Variants in TPGS2 observed in about 807,000 individuals in gnomAD.
TPGS2 encodes tubulin polyglutamylase complex subunit 2, also known as polyglutamylase subunit 2.
In TPGS2, 26 loss-of-function variants were observed where a neutral mutation model predicts 31.1. The ratio of observed to expected loss-of-function variants is 0.84; its 90% CI spans 0.61 to 1.16. TPGS2 has a LOEUF of 1.16. Ranked by LOEUF, TPGS2 falls within the 50% of genes most tolerant of loss-of-function variation. The pLI is 0.00. For synonymous variants in TPGS2, 130 were observed against 136.6 expected (o/e 0.95, Z 0.34); for missense variants, 351 against 363.8 (o/e 0.96, Z 0.29).
At chr18:36,783,026 G>C in exon 7 of TPGS2, 1 of 398,502 alleles carries the variant, frequency 2.5e-6, no homozygotes, top group Non-Finnish European at 4.4e-6. Context: ...GGGTGTGCCA[G>C]TGAGTCCCGG....
At chr18:36,798,736 A>T in intron 5 of TPGS2, 127 bp from the exon 6 acceptor site, 1 of 1,423,124 alleles carries the variant, frequency 7.0e-7, no homozygotes. Context: ...AATGTAAAGT[A>T]AAAGTTCCCC....
chr18:36,785,275 G>A (rs541066686), intron 6 of TPGS2, among the ~76,000 whole-genome samples: 1 of 152,230 alleles, frequency 6.6e-6, no homozygotes, highest in East Asian at 1.9e-4. Context: ...CTCCAGCCTG[G>A]GTAACGAGTG....
In TPGS2 at chr18:36,794,898, C is replaced by T. The variant is rs553637720; in HGVS notation, c.*1907G>A. 211 of 983,290 alleles carry T rather than the reference C, an allele frequency of 2.1e-4. 4 individuals are homozygous for T. The Middle Eastern group carries it at 7.8e-3, about 37-fold the overall frequency. The allele number at this position is 983,290 out of a possible 1,614,324, so 60.9% of individuals were successfully genotyped here. ...ACACACACACGTTTAAATGACCACA[C>T]TGAATTATAAGTGGTTAGTTTTGGG... On this transcript the variant is annotated 3_prime_UTR_variant, in exon 7 of 7. Coordinates refer to ENST00000334295, the MANE Select transcript of TPGS2 (RefSeq NM_015476.4).
chr18:36,781,529 G>A (rs997296009), downstream of TPGS2, among the ~76,000 whole-genome samples: 3 of 152,254 alleles, frequency 2.0e-5, no homozygotes, highest in South Asian at 6.2e-4. Flanking sequence ...GCACATCCCT[G>A]TAATCCCAGT....
At chr18:36,807,385 C>T (rs11665609) in intron 3 of TPGS2, among the ~76,000 whole-genome samples, 18,384 of 151,952 alleles carry the variant, frequency 0.12, 1,379 homozygotes, top group Admixed American at 0.17. Context: ...AGGAGAGAAG[C>T]GAAGACTCTG....
Position 36,828,712 on chromosome 18 carries a change from T to A in TPGS2, c.56A>T (p.Lys19Met), listed in dbSNP as rs1219320095. The A allele has an allele frequency of 1.2e-6, 2 of 1,614,032 alleles. No individual in the cohort carries two copies. Among genetic ancestry groups the A allele is most frequent in the African/African-American group, 2.7e-5 (2 of 74,942 alleles). ...GLGCSKPHLE[K>M]LTLGITRILE... Reference sequence around the variant, plus strand: ...GATGCGCGTGATGCCCAGGGTCAGCTTCTCCAGGTGCGGCTTGCTGCAGCC... The same window carrying A: ...GATGCGCGTGATGCCCAGGGTCAGCATCTCCAGGTGCGGCTTGCTGCAGCC... The change falls in exon 1 of 7, where the codon AAG becomes ATG. Residue 19 changes from lysine (K) to methionine (M), a missense_variant. Transcript: ENST00000334295.
intron 6 of TPGS2, chr18:36,788,950 T>G (rs1327345576): frequency 6.6e-6 from 1 of 152,218 alleles, no homozygotes; most frequent in Non-Finnish European, 1.5e-5. Flanking sequence ...TGCTTTAAGA[T>G]GCAGAAAATC....
Position 36,828,755 on chromosome 18 carries a change from C to A in TPGS2, c.13G>T (p.Ala5Ser). The A allele has an allele frequency of 1.2e-6, 2 of 1,613,720 alleles. No homozygotes were observed. The highest frequency in any genetic ancestry group is 1.7e-6 in the Non-Finnish European group (2 of 1,179,914). Residue 5 changes from alanine to serine, a missense_variant, in exon 1 of 7, where the codon GCA becomes TCA. Coordinates refer to ENST00000334295, the MANE Select transcript of TPGS2 (RefSeq NM_015476.4). MEEE[A>S]SSPGLGCSKP... Reference sequence around the variant, plus strand: ...CTGCAGCCCAGCCCCGGGGACGATGCCTCCTCCTCCATGGCTCGCGACCGC... The same window carrying A: ...CTGCAGCCCAGCCCCGGGGACGATGACTCCTCCTCCATGGCTCGCGACCGC...
downstream of TPGS2, chr18:36,789,401 T>C (rs1396609575): frequency 2.0e-5 from 3 of 152,148 alleles, no homozygotes; most frequent in Non-Finnish European, 2.9e-5. Context: ...CCACTAGACA[T>C]ATGTGATTAC....
Position 36,795,167 on chromosome 18 carries a change from T to C in TPGS2, c.*1638A>G. On this transcript the variant is annotated 3_prime_UTR_variant, in exon 7 of 7. Coordinates refer to ENST00000334295, the MANE Select transcript of TPGS2 (RefSeq NM_015476.4). Reference sequence around the variant, plus strand: ...GATATCGAAGGCGCTTTCTCATGAATATCTATCACTATTGTCAACAATCAA... The same window carrying C: ...GATATCGAAGGCGCTTTCTCATGAACATCTATCACTATTGTCAACAATCAA... 1 of 985,416 alleles carries C rather than the reference T, an allele frequency of 1.0e-6. No homozygotes were observed. The allele number at this position is 985,416 out of a possible 1,614,324, so 61.0% of individuals were successfully genotyped here.
chr18:36,825,613 C>T (rs1600853431), intron 1 of TPGS2, among the ~76,000 whole-genome samples: 1 of 152,046 alleles, frequency 6.6e-6, no homozygotes, highest in East Asian at 1.9e-4. Flanking sequence ...TCATTTTAGT[C>T]AATTTTAAGT....
intron 2 of TPGS2, among the ~76,000 whole-genome samples, chr18:36,811,282 C>T (rs544644466): frequency 1.3e-5 from 2 of 152,300 alleles, no homozygotes; most frequent in African/African-American, 4.8e-5. Flanking sequence ...CTCAAACTCC[C>T]ACCTTAGGAG....
chr18:36,788,014 TAC>T (rs2044183860), intron 6 of TPGS2, among the ~76,000 whole-genome samples: 1 of 152,224 alleles, frequency 6.6e-6, no homozygotes, highest in Admixed American at 6.5e-5. Context: ...TGTGTGTGTA[TAC>T]ACACACATAT....
chr18:36,789,073 A>C (rs1232545368), intron 6 of TPGS2: 1 of 152,174 alleles, frequency 6.6e-6, no homozygotes, highest in Non-Finnish European at 1.5e-5. Context: ...ACATGGGGAA[A>C]GCTCAGAACC....
chr18:36,791,249 T>G (rs1045508988), downstream of TPGS2, among the ~76,000 whole-genome samples: 20 of 152,308 alleles, frequency 1.3e-4, no homozygotes, highest in African/African-American at 4.8e-4. Flanking sequence ...CAGTTAAATC[T>G]CTCTTCTTTA....
intron 2 of TPGS2, 68 bp from the exon 3 acceptor site, chr18:36,808,002 G>A (rs1019257027): frequency 1.4e-6 from 2 of 1,474,506 alleles, no homozygotes; most frequent in African/African-American, 2.8e-5. Context: ...ATGGCTTAAG[G>A]CACTGGGGAC....
chr18:36,797,474 C>G (rs1376470970), intron 6 of TPGS2, among the ~76,000 whole-genome samples: 1 of 148,864 alleles, frequency 6.7e-6, no homozygotes, highest in Non-Finnish European at 1.5e-5. Context: ...GTGTGGGCCT[C>G]TGCTGAGGGA....
intron 6 of TPGS2, among the ~76,000 whole-genome samples, chr18:36,785,616 T>C (rs1375375580): frequency 3.9e-5 from 6 of 152,316 alleles, no homozygotes; most frequent in Non-Finnish European, 4.4e-5. Context: ...TTGTTTAAGA[T>C]GATCCACTTG....
At chr18:36,812,955 A>G (rs777824775) in intron 2 of TPGS2, among the ~76,000 whole-genome samples, 2 of 152,224 alleles carry the variant, frequency 1.3e-5, no homozygotes, top group African/African-American at 2.4e-5. Flanking sequence ...GAGTAACAGG[A>G]GAGGAAAAAC....
Sources: allele counts gnomAD v4.1 joint callset (sites outside exome capture counted in the v4.1 genomes callset), GRCh38; gene constraint gnomAD v4.1.1; transcripts MANE v1.5; gene names NCBI Gene and HGNC (gene_info 2026-07-23, HGNC 2026-07-21).